SSX2IP: variants seen among roughly 807,000 people sequenced by gnomAD.
SSX2IP encodes afadin- and alpha-actinin-binding protein.
Under a neutral mutation model 84.9 loss-of-function variants are expected in SSX2IP, and 55 were observed. The ratio of observed to expected loss-of-function variants is 0.65; its 90% CI spans 0.52 to 0.81. SSX2IP has a LOEUF of 0.81. Ranked by LOEUF, SSX2IP falls within the 30% of genes least tolerant of loss-of-function variation. SSX2IP has a pLI of 0.00. For synonymous variants in SSX2IP, 239 were observed against 234.7 expected (o/e 1.02, Z -0.17); for missense variants, 664 against 705.2 (o/e 0.94, Z 0.66).
intron 4 of SSX2IP, among the ~76,000 whole-genome samples, chr1:84,668,774 G>A (rs1653105592): frequency 6.6e-6 from 1 of 151,966 alleles, no homozygotes; most frequent in South Asian, 2.1e-4. Flanking sequence ...TGTTTTCTTA[G>A]ATGGCGTGGG....
rs1211571687 is a variant in SSX2IP at position 84,671,279 on chromosome 1, G to C, written c.-60C>G. On this transcript the variant is annotated 5_prime_UTR_variant, in exon 2 of 14. Transcript: ENST00000342203. ...GTTCAGCAGTTAAACATTTAGTCTA[G>C]CTGCTGTCACTCTTCTATGTAGGCA... 1 of 1,594,102 alleles carries C rather than the reference G, an allele frequency of 6.3e-7. No homozygotes were observed. Among genetic ancestry groups the C allele is most frequent in the Non-Finnish European group, 8.5e-7 (1 of 1,171,600 alleles).
At chr1:84,665,853 G>A (rs1188366362) in intron 5 of SSX2IP, among the ~76,000 whole-genome samples, 1 of 152,174 alleles carries the variant, frequency 6.6e-6, no homozygotes, top group Non-Finnish European at 1.5e-5. Flanking sequence ...GTGAACATGA[G>A]TCCAGGAAGG....
At chr1:84,675,279 T>C (rs1474146626) in intron 1 of SSX2IP, among the ~76,000 whole-genome samples, 1 of 152,184 alleles carries the variant, frequency 6.6e-6, no homozygotes, top group Non-Finnish European at 1.5e-5. Context: ...AGAACAAACT[T>C]AGTTTTCTAG....
chr1:84,678,762 G>A (rs1654701385), intron 1 of SSX2IP, among the ~76,000 whole-genome samples: 1 of 152,178 alleles, frequency 6.6e-6, no homozygotes, highest in Non-Finnish European at 1.5e-5. Flanking sequence ...ACTACAAACT[G>A]AAAGAGAGCT....
At chr1:84,658,224 GCTC>G in intron 9 of SSX2IP, 91 bp downstream of exon 9, 1 of 1,405,590 alleles carries the variant, frequency 7.1e-7, no homozygotes. Context: ...TAGTACTTTA[GCTC>G]TGAGCCTATA....
intron 8 of SSX2IP, 63 bp downstream of exon 8, chr1:84,662,135 A>G (rs2102329366): frequency 8.9e-7 from 1 of 1,125,088 alleles, no homozygotes; most frequent in East Asian, 2.4e-5. Context: ...AATGCCTACC[A>G]CATATTTTAA....
chr1:84,678,980 T>C (rs1557523138), intron 1 of SSX2IP, among the ~76,000 whole-genome samples: 1 of 152,338 alleles, frequency 6.6e-6, no homozygotes, highest in East Asian at 1.9e-4. Context: ...CTTCTAAATA[T>C]TGCACAGAAT....
intron 1 of SSX2IP, among the ~76,000 whole-genome samples, chr1:84,684,445 C>T (rs1277429223): frequency 6.6e-6 from 1 of 152,108 alleles, no homozygotes; most frequent in Non-Finnish European, 1.5e-5. Flanking sequence ...TAAAAGTGTT[C>T]CAAAGCACTA....
rs529346829 is a variant in SSX2IP, at chr1:84,645,307, C to T, written c.*2126G>A. 5 of 152,276 alleles carry T rather than the reference C, an allele frequency of 3.3e-5. No individual in the cohort carries two copies. Among genetic ancestry groups the T allele is most frequent in the African/African-American group, 1.2e-4 (5 of 41,558 alleles). The allele number at this position is 152,276 out of a possible 1,614,324, so 9.4% of individuals were successfully genotyped here. A position where few individuals can be genotyped will look rare whatever the true frequency, so the allele number is the denominator to read the frequency against. On this transcript the variant is annotated 3_prime_UTR_variant, in exon 14 of 14. Coordinates refer to ENST00000342203, the MANE Select transcript of SSX2IP (RefSeq NM_001166293.2). The stretch of plus-strand genomic sequence containing the variant: ...GAGATTAGGGTGATTGGGGATCATT[C>T]TGGAGTTGGAATGTTCAACAAAAGT...
chr1:84,651,484 T>C (rs1462668414), intron 12 of SSX2IP, among the ~76,000 whole-genome samples: 1 of 152,094 alleles, frequency 6.6e-6, no homozygotes, highest in Non-Finnish European at 1.5e-5. Context: ...TCCCAGCACT[T>C]TGGGAGGCTG....
At chr1:84,673,849 T>TAC (rs373711415) in intron 1 of SSX2IP, among the ~76,000 whole-genome samples, 1 of 151,840 alleles carries the variant, frequency 6.6e-6, no homozygotes, top group African/African-American at 2.4e-5. Context: ...GTTATGATGT[T>TAC]ACACACACAC....
chr1:84,647,420 C>T lies in SSX2IP; in HGVS notation c.*13G>A. On this transcript the variant is annotated 3_prime_UTR_variant, in exon 14 of 14. Transcript: ENST00000342203. Reference sequence around the variant, plus strand: ...GATGAACACATTAATGAAAAAAATTCCAGTCCACATGTCTAAGGTAAGTCA... The same window carrying T: ...GATGAACACATTAATGAAAAAAATTTCAGTCCACATGTCTAAGGTAAGTCA... The T allele has an allele frequency of 6.4e-7, 1 of 1,551,218 alleles. No individual in the cohort carries two copies. The highest frequency in any genetic ancestry group is 8.7e-7 in the Non-Finnish European group (1 of 1,148,696).
chr1:84,667,195 G>GAA (rs113559935), intron 4 of SSX2IP, among the ~76,000 whole-genome samples: 4,159 of 152,030 alleles, frequency 0.027, 199 homozygotes, highest in African/African-American at 0.095. Flanking sequence ...CACTTTACCT[G>GAA]AACTCAGCAC....
intron 1 of SSX2IP, among the ~76,000 whole-genome samples, chr1:84,672,328 T>C (rs1653696311): frequency 6.6e-6 from 1 of 152,128 alleles, no homozygotes; most frequent in Non-Finnish European, 1.5e-5. Flanking sequence ...AGCGGTTGTG[T>C]TGATCTTTGA....
upstream of SSX2IP, chr1:84,690,716 T>G (rs1026661606): frequency 6.6e-6 from 1 of 152,264 alleles, no homozygotes; most frequent in Non-Finnish European, 1.5e-5. Flanking sequence ...ATCCCTGCGG[T>G]CCGCGCGCGC....
intron 11 of SSX2IP, 107 bp from the exon 12 acceptor site, chr1:84,652,104 C>T (rs183991943): frequency 1.2e-5 from 9 of 775,326 alleles, no homozygotes; most frequent in South Asian, 6.5e-5. Context: ...GCTATCTATT[C>T]GTACTTCTTA....
At chr1:84,656,617 G>C (rs981646352) in intron 9 of SSX2IP, 133 bp from the exon 10 acceptor site, 1 of 703,016 alleles carries the variant, frequency 1.4e-6, no homozygotes, top group African/African-American at 1.8e-5. Context: ...CTAAAAAGTA[G>C]TTACGTCCTT....
intron 1 of SSX2IP, among the ~76,000 whole-genome samples, chr1:84,688,425 T>C (rs911543461): frequency 2.0e-5 from 3 of 152,222 alleles, no homozygotes; most frequent in African/African-American, 4.8e-5. Context: ...TTAAAAATCT[T>C]TGAAATCGAT....
intron 1 of SSX2IP, 189 bp downstream of exon 1, chr1:84,690,182 G>C (rs1472179445): frequency 6.6e-6 from 1 of 152,300 alleles, no homozygotes; most frequent in African/African-American, 2.4e-5. Flanking sequence ...GGAGCGGCCC[G>C]GGTCGACGCT....
Sources: allele counts gnomAD v4.1 joint callset (sites outside exome capture counted in the v4.1 genomes callset), GRCh38; gene constraint gnomAD v4.1.1; transcripts MANE v1.5; gene names NCBI Gene and HGNC (gene_info 2026-07-23, HGNC 2026-07-21).